The following IL7 variants were observed in gnomAD, a reference collection of about 807,000 sequenced individuals.
The protein encoded by IL7 is interleukin-7.
Under a neutral mutation model 21.6 loss-of-function variants are expected in IL7, and 3 were observed. The observed-to-expected ratio is 0.14, with a 90% CI of 0.06 to 0.36. The LOEUF is 0.36. Among genes scored for constraint, IL7 ranks in the 10% least tolerant of loss-of-function variants. The pLI, the probability that IL7 is intolerant of heterozygous loss-of-function variation, is 1.00. For synonymous variants in IL7, 62 were observed against 68.1 expected, an observed-to-expected ratio of 0.91 and a Z score of 0.44; for missense variants, 175 against 200.2, an observed-to-expected ratio of 0.87 and a Z score of 0.76.
chr8:78,677,576 T>C (rs1809622355), intron 4 of IL7, among the ~76,000 whole-genome samples: 1 of 152,184 alleles, frequency 6.6e-6, no homozygotes, highest in African/African-American at 2.4e-5. Context: ...ACATTAACTT[T>C]TGTAATCCTA....
intron 2 of IL7, among the ~76,000 whole-genome samples, chr8:78,791,278 T>C (rs1424276933): frequency 6.6e-6 from 1 of 152,180 alleles, no homozygotes; most frequent in African/African-American, 2.4e-5. Flanking sequence ...AATAAAATTA[T>C]ATATCAAAAG....
chr8:78,765,657 C>G (rs904934640), intron 2 of IL7, among the ~76,000 whole-genome samples: 35 of 151,872 alleles, frequency 2.3e-4, no homozygotes, highest in Non-Finnish European at 5.9e-5. Flanking sequence ...TTAGAATGGC[C>G]AAAACCCAAA....
At position 78,786,092 on chromosome 8, in the gene IL7, G is replaced by C. The variant is rs115707077; in HGVS notation, c.147+11980C>G. Among the ~76,000 whole-genome samples the C allele has an allele frequency of 6.3e-3, 954 of 152,312 alleles. 8 individuals are homozygous for C. Among genetic ancestry groups the C allele is most frequent in the African/African-American group, 0.022 (905 of 41,562 alleles). On this transcript the variant is annotated intron_variant, in intron 2 of 5. Transcript: ENST00000263851. ...GTACATTGTGATACTGTGAAATACA[G>C]TTATGTGTCACTTAATGATAGGGGA...
At chr8:78,692,518 C>T (rs1174160121) in intron 3 of IL7, among the ~76,000 whole-genome samples, 1 of 152,038 alleles carries the variant, frequency 6.6e-6, no homozygotes, top group African/African-American at 2.4e-5. Context: ...TAATATATAA[C>T]AATTTCTGTT....
chr8:78,733,156 G>A lies in IL7; in HGVS notation c.*557C>T, dbSNP rs1448436440. The A allele has an allele frequency of 3.3e-5, 5 of 151,758 alleles. No homozygotes were observed. In the South Asian group the frequency reaches 1.0e-3, roughly 32 times the overall value. 9.4% of individuals were successfully genotyped at this position (151,758 alleles called of 1,614,324 possible). A position where few individuals can be genotyped will look rare whatever the true frequency, so the allele number is the denominator to read the frequency against. ...TTAAATCTCTTGAAATCTCTTTTAG[G>A]TATCTTGGACCTTGTTATGCTGTTG... On this transcript the variant is annotated 3_prime_UTR_variant, in exon 6 of 6. Coordinates refer to ENST00000263851, the MANE Select transcript of IL7 (RefSeq NM_000880.4).
Position 78,689,034 on chromosome 8 carries a change from CT to C in IL7, n.215-3088del, listed in dbSNP as rs5892662. Among the ~76,000 whole-genome samples, 1,392 of 146,170 alleles carry C rather than the reference CT, an allele frequency of 9.5e-3. 16 individuals are homozygous for C. Among genetic ancestry groups the C allele is most frequent in the African/African-American group, 0.032 (1,265 of 40,080 alleles). Reference sequence around the variant, plus strand: ...AAATTGGAAGTCATGTACCAGCAGACTTTTTTTTTTTTTAACTCTTTACTAA... The same window carrying C: ...AAATTGGAAGTCATGTACCAGCAGACTTTTTTTTTTTTAACTCTTTACTAA... On this transcript the variant is annotated intron_variant and non_coding_transcript_variant, in intron 3 of 4. Transcript: ENST00000523959.
intron 3 of IL7, among the ~76,000 whole-genome samples, chr8:78,712,888 C>T (rs909464439): frequency 2.0e-5 from 3 of 152,096 alleles, no homozygotes; most frequent in African/African-American, 7.2e-5. Flanking sequence ...ACAGTCTGCT[C>T]AGTATGTATG....
intron 3 of IL7, among the ~76,000 whole-genome samples, chr8:78,693,712 G>C (rs1032899482): frequency 2.4e-4 from 37 of 152,198 alleles, no homozygotes; most frequent in Non-Finnish European, 3.2e-4. Context: ...AGTTTCTTCT[G>C]CTGTGCAGAA....
chr8:78,703,123 C>T (rs1457948010), intron 3 of IL7, among the ~76,000 whole-genome samples: 1 of 152,156 alleles, frequency 6.6e-6, no homozygotes, highest in Admixed American at 6.6e-5. Context: ...TCTCAAACCC[C>T]TAACCTCAGG....
intron 2 of IL7, among the ~76,000 whole-genome samples, chr8:78,779,668 C>T (rs926461579): frequency 2.6e-5 from 4 of 151,860 alleles, no homozygotes; most frequent in South Asian, 4.1e-4. Context: ...TTTGTATTGA[C>T]GTTCATCAGA....
intron 2 of IL7, among the ~76,000 whole-genome samples, chr8:78,766,300 A>G (rs962869805): frequency 6.6e-6 from 1 of 152,108 alleles, no homozygotes; most frequent in Non-Finnish European, 1.5e-5. Context: ...CAACACCAAG[A>G]GTGAATCTTA....
intron 3 of IL7, among the ~76,000 whole-genome samples, chr8:78,687,883 TTATA>T (rs1810070856): frequency 2.3e-5 from 3 of 127,996 alleles, no homozygotes; most frequent in African/African-American, 8.4e-5. Flanking sequence ...AAATATATAT[TTATA>T]TAATAAATTA....
intron 2 of IL7, among the ~76,000 whole-genome samples, chr8:78,783,574 A>AT (rs1456096914): frequency 6.6e-6 from 1 of 152,154 alleles, no homozygotes; most frequent in Non-Finnish European, 1.5e-5. Flanking sequence ...TAAGGTTAAT[A>AT]TGCAGTAATG....
intron 1 of IL7, among the ~76,000 whole-genome samples, chr8:78,798,844 G>C (rs1813956457): frequency 6.6e-6 from 1 of 152,036 alleles, no homozygotes; most frequent in Non-Finnish European, 1.5e-5. Context: ...AGTCCCCAGA[G>C]ACCCAGATTC....
At chr8:78,764,392 C>A (rs1335048547) in intron 2 of IL7, among the ~76,000 whole-genome samples, 1 of 151,900 alleles carries the variant, frequency 6.6e-6, no homozygotes, top group African/African-American at 2.4e-5. Context: ...CAAAATAATA[C>A]AGTCTTTGTT....
chr8:78,758,382 T>C (rs1443448347), intron 2 of IL7, among the ~76,000 whole-genome samples: 1 of 152,146 alleles, frequency 6.6e-6, no homozygotes, highest in Non-Finnish European at 1.5e-5. Context: ...AGTTTGGTCA[T>C]TTTCTGTAGT....
chr8:78,717,233 G>A (rs1563642541), downstream of IL7: 3 of 1,140,158 alleles, frequency 2.6e-6, no homozygotes, highest in African/African-American at 1.6e-5. Flanking sequence ...GATTAAGCAG[G>A]CTAATTGTTA....
At chr8:78,798,838 C>A (rs547242334) in intron 1 of IL7, among the ~76,000 whole-genome samples, 1 of 151,924 alleles carries the variant, frequency 6.6e-6, no homozygotes, top group African/African-American at 2.4e-5. Context: ...TCTCTGAGTC[C>A]CCAGAGACCC....
chr8:78,705,171 C>T (rs1178941362), intron 3 of IL7, among the ~76,000 whole-genome samples: 3 of 152,186 alleles, frequency 2.0e-5, no homozygotes, highest in East Asian at 1.9e-4. Context: ...AGAGGTGATG[C>T]GGTCACTTGG....
Sources: gnomAD v4.1 joint callset for allele counts (sites outside exome capture counted in the v4.1 genomes callset) on GRCh38, gnomAD v4.1.1 for gene constraint, MANE v1.5 for transcripts, NCBI Gene and HGNC (gene_info 2026-07-23, HGNC 2026-07-21) for gene names.